The following ACYP2 variants were observed in gnomAD, a reference collection of about 807,000 sequenced individuals.
The protein encoded by ACYP2 is acylphosphatase 2.
A neutral mutation model predicts 11.2 loss-of-function variants in ACYP2; 12 were observed. The observed-to-expected ratio is 1.08, with a 90% confidence interval of 0.69 to 1.74. The LOEUF is 1.74. Ranked by LOEUF, ACYP2 falls within the 40% of genes most tolerant of loss-of-function variation. The pLI, the probability that ACYP2 is intolerant of heterozygous loss-of-function variation, is 0.00. For synonymous variants in ACYP2, 43 were observed against 32.2 expected (o/e 1.33, Z -1.13); for missense variants, 134 against 101.9 (o/e 1.31, Z -1.35).
chr2:54,298,550 A>G lies in ACYP2; in HGVS notation c.405-6138A>G, dbSNP rs78146795. On this transcript the variant is annotated intron_variant, in intron 6 of 6. Coordinates refer to ENST00000607452, the MANE Select transcript of ACYP2 (RefSeq NM_001320586.2). ...AAGCAGATGAGCGGGTGGTAATGCA[A>G]ATTTGATTGTAAGCATTGCAGGCTA... is the stretch of plus-strand genomic sequence containing the variant. 2.0e-3 allele frequency among the ~76,000 whole-genome samples: 302 copies of G among 152,300 alleles called. 6 individuals are homozygous for G. In the East Asian group the frequency reaches 0.051, roughly 26 times the overall value.
At chr2:54,154,766 A>G (rs1181364536) in intron 6 of ACYP2, among the ~76,000 whole-genome samples, 1 of 152,184 alleles carries the variant, frequency 6.6e-6, no homozygotes, top group African/African-American at 2.4e-5. Context: ...TGGCTTTGGT[A>G]TCAAGGTAAT....
At chr2:54,196,650 G>T (rs1022420818) in intron 6 of ACYP2, among the ~76,000 whole-genome samples, 12 of 152,180 alleles carry the variant, frequency 7.9e-5, no homozygotes, top group Admixed American at 5.2e-4. Flanking sequence ...GTTGTGAGGG[G>T]CTGTCCTGTG....
chr2:54,302,966 T>C (rs1689783387), intron 6 of ACYP2, among the ~76,000 whole-genome samples: 2 of 152,196 alleles, frequency 1.3e-5, no homozygotes, highest in South Asian at 4.1e-4. Flanking sequence ...TCTTTTCTCA[T>C]CAATAACTGG....
chr2:54,145,548 G>A (rs1031581538), intron 6 of ACYP2, among the ~76,000 whole-genome samples: 3 of 152,042 alleles, frequency 2.0e-5, no homozygotes, highest in African/African-American at 7.3e-5. Context: ...TGAAGCTCAT[G>A]TGCCCATTAC....
At chr2:54,176,897 G>T (rs1683487101) in intron 6 of ACYP2, among the ~76,000 whole-genome samples, 1 of 152,138 alleles carries the variant, frequency 6.6e-6, no homozygotes, top group Admixed American at 6.6e-5. Context: ...AGTGGCCAAG[G>T]TCTCTGTTGC....
At chr2:54,290,128 C>A (rs1208632155) in intron 6 of ACYP2, among the ~76,000 whole-genome samples, 1 of 152,066 alleles carries the variant, frequency 6.6e-6, no homozygotes, top group Admixed American at 6.5e-5. Context: ...CCTTTGAGGA[C>A]TTGCACATTC....
chr2:54,106,203 A>G (rs1489807388), intron 4 of ACYP2, among the ~76,000 whole-genome samples: 1 of 152,176 alleles, frequency 6.6e-6, no homozygotes, highest in East Asian at 1.9e-4. Flanking sequence ...ATTCATCACT[A>G]TTATCAACCT....
At chr2:54,033,452 A>T (rs941267830) in intron 2 of ACYP2, among the ~76,000 whole-genome samples, 1 of 151,998 alleles carries the variant, frequency 6.6e-6, no homozygotes, top group Non-Finnish European at 1.5e-5. Flanking sequence ...GGCTCAAGCA[A>T]ACTTCCTGTC....
chr2:54,105,746 AG>A (rs1420204225), intron 4 of ACYP2, among the ~76,000 whole-genome samples: 4 of 151,974 alleles, frequency 2.6e-5, no homozygotes, highest in Admixed American at 6.6e-5. Flanking sequence ...CTCCTGCCTC[AG>A]GCCCCCAAAT....
At chr2:54,163,669 A>G (rs901197920) in intron 6 of ACYP2, among the ~76,000 whole-genome samples, 8 of 152,060 alleles carry the variant, frequency 5.3e-5, no homozygotes, top group African/African-American at 1.9e-4. Context: ...AGCCTGGCCA[A>G]TGTGGTGAAA....
At chr2:54,030,335 G>A (rs1439872224) in intron 2 of ACYP2, among the ~76,000 whole-genome samples, 1 of 152,220 alleles carries the variant, frequency 6.6e-6, no homozygotes, top group Non-Finnish European at 1.5e-5. Flanking sequence ...CACAAGGAAT[G>A]TATGACTGTC....
intron 2 of ACYP2, among the ~76,000 whole-genome samples, chr2:54,046,827 T>C (rs1332771700): frequency 6.6e-6 from 1 of 152,198 alleles, no homozygotes; most frequent in Non-Finnish European, 1.5e-5. Context: ...CAATGGACCC[T>C]TCAAATTATA....
At chr2:54,009,466 T>C (rs1673248943) in intron 2 of ACYP2, among the ~76,000 whole-genome samples, 1 of 151,734 alleles carries the variant, frequency 6.6e-6, no homozygotes, top group Admixed American at 6.6e-5. Context: ...CCCAGCTACT[T>C]GGGAGGCTGA....
intron 6 of ACYP2, among the ~76,000 whole-genome samples, chr2:54,170,754 A>G (rs1156392188): frequency 1.3e-5 from 2 of 152,164 alleles, no homozygotes; most frequent in Admixed American, 1.3e-4. Flanking sequence ...GGCAAAAGGA[A>G]GGAGGATATG....
intron 4 of ACYP2, among the ~76,000 whole-genome samples, chr2:54,094,996 CA>C (rs1678441754): frequency 6.6e-6 from 1 of 150,378 alleles, no homozygotes; most frequent in Non-Finnish European, 1.5e-5. Context: ...AACAAGTGAA[CA>C]AAGGTCTCTG....
intron 2 of ACYP2, among the ~76,000 whole-genome samples, chr2:54,007,685 G>A (rs1448011114): frequency 3.9e-5 from 6 of 152,118 alleles, no homozygotes; most frequent in African/African-American, 1.2e-4. Flanking sequence ...GCCAACATGC[G>A]GAAACCCTGT....
At chr2:54,106,110 T>C (rs930691324) in intron 4 of ACYP2, among the ~76,000 whole-genome samples, 1 of 152,240 alleles carries the variant, frequency 6.6e-6, no homozygotes, top group Non-Finnish European at 1.5e-5. Flanking sequence ...TAAGTTAATG[T>C]ACTATTCATG....
intron 4 of ACYP2, among the ~76,000 whole-genome samples, chr2:54,105,837 A>G (rs1197893586): frequency 2.0e-5 from 3 of 152,006 alleles, no homozygotes; most frequent in Non-Finnish European, 2.9e-5. Flanking sequence ...GCACCTACAC[A>G]TGGCACATAC....
At chr2:54,061,187 T>C (rs1204546462) in intron 4 of ACYP2, among the ~76,000 whole-genome samples, 1 of 152,204 alleles carries the variant, frequency 6.6e-6, no homozygotes, top group Non-Finnish European at 1.5e-5. Flanking sequence ...AGTTCCTTAT[T>C]GGTTTTTTAT....
Sources: allele counts gnomAD v4.1 joint callset (sites outside exome capture counted in the v4.1 genomes callset), GRCh38; gene constraint gnomAD v4.1.1; transcripts MANE v1.5; gene names NCBI Gene and HGNC (gene_info 2026-07-23, HGNC 2026-07-21).